The following GNG7 variants were observed in gnomAD, a reference collection of about 807,000 sequenced individuals.
GNG7 encodes G protein subunit gamma 7.
GNG7 carries 1 observed loss-of-function variant against 4.0 expected under a neutral mutation model. That is an observed-to-expected ratio of 0.25 (90% CI 0.09 to 1.18). The LOEUF is 1.18. Among genes scored for constraint, GNG7 ranks in the 50% most tolerant of loss-of-function variants. The pLI, the probability that GNG7 is intolerant of heterozygous loss-of-function variation, is 0.50. For missense variants in GNG7, 86 were observed against 91.9 expected (o/e 0.94, Z 0.26); for synonymous variants, 34 against 36.9 (o/e 0.92, Z 0.29).
intron 3 of GNG7, among the ~76,000 whole-genome samples, chr19:2,545,135 G>A (rs1979083238): frequency 6.6e-6 from 1 of 151,716 alleles, no homozygotes; most frequent in Admixed American, 6.6e-5. Flanking sequence ...CTATCCCTGG[G>A]GGTTTCACCT....
At position 2,633,652 on chromosome 19, in the gene GNG7, G is replaced by C. The variant is rs1382415026; in HGVS notation, c.-78+12572C>G. 1.3e-5 allele frequency among the ~76,000 whole-genome samples: 2 copies of C among 152,038 alleles called. No individual in the cohort carries two copies. The highest frequency in any genetic ancestry group is 4.8e-5 in the African/African-American group (2 of 41,394). ...GTCAGGTGGTCGCAATAACAGCTCT[G>C]AAACGGGGATTCATTGAGAGGACAT... On this transcript the variant is annotated intron_variant, in intron 2 of 4. Transcript: ENST00000382159. The surrounding 1 kb of genome is among the most constrained non-coding windows in gnomAD (Gnocchi z 5.9).
At chr19:2,526,742 G>C (rs910503837) in intron 3 of GNG7, among the ~76,000 whole-genome samples, 1 of 149,352 alleles carries the variant, frequency 6.7e-6, no homozygotes, top group African/African-American at 2.4e-5. Flanking sequence ...GTTTGCTATT[G>C]ATTTTATATT....
chr19:2,581,901 A>G (rs542890367), intron 2 of GNG7, among the ~76,000 whole-genome samples: 110 of 152,308 alleles, frequency 7.2e-4, no homozygotes, highest in Non-Finnish European at 7.5e-4. Flanking sequence ...CATTTTGTGG[A>G]GGGTTTGGCA....
rs1231088891 is a variant in GNG7 at position 2,513,620 on chromosome 19, C to CG, written c.*1401dup. The CG allele has an allele frequency of 5.1e-6, 5 of 980,244 alleles. No homozygotes were observed. Among genetic ancestry groups the CG allele is most frequent in the Non-Finnish European group, 6.1e-6 (5 of 825,370 alleles). 60.7% of individuals were successfully genotyped at this position (980,244 alleles called of 1,614,324 possible). The stretch of plus-strand genomic sequence containing the variant: ...CCTCAGACAGCCGTCCTGGGTTGCA[C>CG]GGGGGTGGAAAAGCAAAAAGATCGG... On this transcript the variant is annotated 3_prime_UTR_variant, in exon 5 of 5. Coordinates refer to ENST00000382159, the MANE Select transcript of GNG7 (RefSeq NM_052847.3).
intron 2 of GNG7, among the ~76,000 whole-genome samples, chr19:2,608,391 G>A (rs914790241): frequency 1.3e-5 from 2 of 152,016 alleles, no homozygotes; most frequent in South Asian, 2.1e-4. Context: ...TCACACACAC[G>A]GGAGGACAGA....
At chr19:2,608,135 G>T (rs559041082) in intron 2 of GNG7, among the ~76,000 whole-genome samples, 3 of 149,722 alleles carry the variant, frequency 2.0e-5, no homozygotes, top group African/African-American at 7.6e-5. Context: ...TGAGGTCGCC[G>T]CCCTGCCACT....
chr19:2,605,659 ATG>A lies in GNG7; in HGVS notation c.-78+40563_-78+40564del, dbSNP rs1599417765. Among the ~76,000 whole-genome samples the A allele has an allele frequency of 2.7e-5, 4 of 150,268 alleles. No individual in the cohort carries two copies. In the East Asian group the frequency reaches 7.8e-4, roughly 29 times the overall value. The stretch of plus-strand genomic sequence containing the variant: ...CTCCCGAGTAGCTGGGATTACAGGC[ATG>A]CGCCACCACACCCAGCTAATTTTTG... On this transcript the variant is annotated intron_variant, in intron 2 of 4. Transcript: ENST00000382159.
At chr19:2,656,413 C>A (rs941812037) in intron 1 of GNG7, among the ~76,000 whole-genome samples, 1 of 152,172 alleles carries the variant, frequency 6.6e-6, no homozygotes, top group Admixed American at 6.5e-5. Flanking sequence ...ACCAGCCTGG[C>A]CAACATGGCG....
intron 2 of GNG7, among the ~76,000 whole-genome samples, chr19:2,593,446 A>G (rs1339938852): frequency 6.6e-6 from 1 of 152,190 alleles, no homozygotes; most frequent in Admixed American, 6.5e-5. Flanking sequence ...AAAGATTTCA[A>G]AAGTATTAAG....
intron 2 of GNG7, among the ~76,000 whole-genome samples, chr19:2,572,945 G>C (rs1177802000): frequency 1.3e-5 from 2 of 151,054 alleles, no homozygotes; most frequent in Non-Finnish European, 2.9e-5. Context: ...GTCCGCATTA[G>C]CAGTCACCCC....
intron 1 of GNG7, among the ~76,000 whole-genome samples, chr19:2,651,817 C>T (rs1014547409): frequency 6.6e-6 from 1 of 151,798 alleles, no homozygotes; most frequent in Non-Finnish European, 1.5e-5. Flanking sequence ...CCACCTGCTT[C>T]GGCCTCCCAA....
At chr19:2,613,532 C>T (rs1169551298) in intron 2 of GNG7, among the ~76,000 whole-genome samples, 1 of 152,202 alleles carries the variant, frequency 6.6e-6, no homozygotes, top group Non-Finnish European at 1.5e-5. Context: ...CCTCCCCACT[C>T]AGGGTGTGGA....
intron 2 of GNG7, among the ~76,000 whole-genome samples, chr19:2,588,409 A>C (rs1980739406): frequency 6.6e-6 from 1 of 152,228 alleles, no homozygotes. Flanking sequence ...GACAGGTAGT[A>C]AACAGACCTT....
chr19:2,600,187 C>T (rs1002562496), intron 2 of GNG7, among the ~76,000 whole-genome samples: 4 of 151,368 alleles, frequency 2.6e-5, no homozygotes, highest in African/African-American at 7.3e-5. Context: ...TTAACATAAT[C>T]CCATTAAATA....
intron 3 of GNG7, among the ~76,000 whole-genome samples, chr19:2,543,504 C>T (rs989369170): frequency 5.3e-5 from 8 of 152,180 alleles, no homozygotes; most frequent in African/African-American, 1.7e-4. Context: ...GGATCCCGGG[C>T]ATGAACCCCC....
Position 2,609,033 on chromosome 19 carries a change from T to G in GNG7, c.-78+37191A>C, listed in dbSNP as rs1178194606. Among the ~76,000 whole-genome samples the G allele has an allele frequency of 2.0e-5, 3 of 146,708 alleles. No homozygotes were observed. Among genetic ancestry groups the G allele is most frequent in the Non-Finnish European group, 2.9e-5 (2 of 67,904 alleles). Reference sequence around the variant, plus strand: ...CATTCTCTCTCTCTCTCTCTCTCTCTTTTTTTGTTTTGAGACAGGGTCTCA... The same window carrying G: ...CATTCTCTCTCTCTCTCTCTCTCTCGTTTTTTGTTTTGAGACAGGGTCTCA... On this transcript the variant is annotated intron_variant, in intron 2 of 4. Coordinates refer to ENST00000382159, the MANE Select transcript of GNG7 (RefSeq NM_052847.3). This position sits in a 1 kb window ranked among gnomAD's most constrained non-coding sequence, Gnocchi z 4.4.
At chr19:2,649,220 G>A (rs9630890) in intron 1 of GNG7, among the ~76,000 whole-genome samples, 21,879 of 151,848 alleles carry the variant, frequency 0.14, 1,672 homozygotes, top group Middle Eastern at 0.22. Flanking sequence ...GATTACAGGT[G>A]TAGCCATTTC....
At chr19:2,646,545 C>T (rs117421544) in intron 1 of GNG7, among the ~76,000 whole-genome samples, 1,577 of 152,100 alleles carry the variant, frequency 0.01, 23 homozygotes, top group Middle Eastern at 0.051. Flanking sequence ...AATTAGCCAA[C>T]GTGGTGGTGG....
At chr19:2,699,147 CTTTT>C (rs371884402) in intron 1 of GNG7, among the ~76,000 whole-genome samples, 4 of 128,510 alleles carry the variant, frequency 3.1e-5, no homozygotes, top group African/African-American at 5.8e-5. Flanking sequence ...AAGGAGTAGC[CTTTT>C]TTTTTTTTTT....
Sources: allele counts gnomAD v4.1 joint callset (sites outside exome capture counted in the v4.1 genomes callset), GRCh38; gene constraint gnomAD v4.1.1; non-coding constraint Gnocchi (gnomAD v3.1); transcripts MANE v1.5; gene names NCBI Gene and HGNC (gene_info 2026-07-23, HGNC 2026-07-21).